TSC2: variants seen among roughly 807,000 people sequenced by gnomAD.
The protein encoded by TSC2 is tuberin.
Under a neutral mutation model 202.2 loss-of-function variants are expected in TSC2, and 29 were observed. That is an observed-to-expected ratio of 0.14 (90% CI 0.11 to 0.20). The LOEUF is 0.20. TSC2 is among the 10% of genes least tolerant of loss of function. The pLI is 1.00. For synonymous variants in TSC2, 1,349 were observed against 1,044.0 expected (o/e 1.29, Z -5.63); for missense variants, 2,429 against 2,420.0 (o/e 1.00, Z -0.08).
intron 18 of TSC2, 49 bp downstream of exon 18, chr16:2,071,665 G>C (rs765248569): frequency 6.2e-7 from 1 of 1,609,482 alleles, no homozygotes; most frequent in African/African-American, 1.3e-5. Context: ...CGTCAGAGGC[G>C]CTGGGGCTGT....
intron 30 of TSC2, chr16:2,081,144 C>T: frequency 7.2e-6 from 2 of 279,566 alleles, no homozygotes; most frequent in South Asian, 3.8e-5. Context: ...TTCTGAGTTC[C>T]TGGGGTTGGG....
rs200532154 is a variant in TSC2, at chr16:2,064,286, C to A, written c.1458C>A (p.Asn486Lys). The A allele has an allele frequency of 6.2e-7, 1 of 1,613,960 alleles. No individual in the cohort carries two copies. The highest frequency in any genetic ancestry group is 2.2e-5 in the East Asian group (1 of 44,872). ...NRQFYEEELI[N>K]SVVISQLSHI... ...TGCCTGTGCAGGAGGAGCTGATTAA[C>A]TCAGTGGTCATCTCGCAGCTCTCCC... Residue 486 changes from asparagine to lysine, a missense_variant, in exon 15 of 42, where the codon AAC becomes AAA. By Grantham distance (94) the Asn-to-Lys change is moderately conservative. Transcript: ENST00000219476.
chr16:2,087,187 G>C (rs1372382585), intron 38 of TSC2: 1 of 447,996 alleles, frequency 2.2e-6, no homozygotes. Context: ...CATCTCCCCA[G>C]TGGCAGCTGT....
intron 1 of TSC2, 199 bp from the exon 2 acceptor site, chr16:2,048,388 C>G: frequency 1.2e-6 from 1 of 849,770 alleles, no homozygotes; most frequent in Non-Finnish European, 2.0e-6. Context: ...CTCTCTAGAC[C>G]AGGCCTGGTG....
chr16:2,067,265 C>T (rs868244448), intron 16 of TSC2, among the ~76,000 whole-genome samples: 4 of 152,022 alleles, frequency 2.6e-5, no homozygotes, highest in Admixed American at 6.5e-5. Flanking sequence ...ACCAAGTGAT[C>T]GTCCTGCCTC....
At chr16:2,053,826 G>A (rs1290310103) in intron 4 of TSC2, 1 of 507,258 alleles carries the variant, frequency 2.0e-6, no homozygotes, top group Non-Finnish European at 3.8e-6. Flanking sequence ...ATCTGTGCTG[G>A]TCTTGGCTGA....
chr16:2,074,337 G>A lies in TSC2; in HGVS notation c.2493G>A (p.Thr831=), dbSNP rs773645613. 6.2e-7 allele frequency: 1 copy of A among 1,612,682 alleles called. No individual in the cohort carries two copies. Among genetic ancestry groups the A allele is most frequent in the Non-Finnish European group, 8.5e-7 (1 of 1,180,034 alleles). ...TGCCTGTTCTGGTGGTGAAGCTCACGCACATCTCAGCCACAGCCAGCATGG... is the reference window on the plus strand; with the variant it reads ...TGCCTGTTCTGGTGGTGAAGCTCACACACATCTCAGCCACAGCCAGCATGG... ...KALPVLVVKL[T]HISATASMAV... is the part of the protein sequence containing the mutation. Residue 831 remains threonine (T), a synonymous_variant, in exon 22 of 42, where the codon ACG becomes ACA. Coordinates refer to ENST00000219476, the MANE Select transcript of TSC2 (RefSeq NM_000548.5).
At chr16:2,072,623 TC>T (rs2088638368) in intron 20 of TSC2, 1 of 817,106 alleles carries the variant, frequency 1.2e-6, no homozygotes, top group Admixed American at 2.7e-5. Context: ...TCTGTGCTTT[TC>T]CTAAGTGGGG....
chr16:2,079,219 G>A lies in TSC2; in HGVS notation c.3131+23G>A, dbSNP rs1412357507. The A allele has an allele frequency of 2.5e-5, 41 of 1,612,788 alleles. No individual in the cohort carries two copies. The highest frequency in any genetic ancestry group is 3.1e-5 in the Non-Finnish European group (37 of 1,180,038). ...GAGGTCCAGGCGGCACTACAGGGCT[G>A]GGCGGGCCTGCGGGAGCTCCACGGG... is the stretch of plus-strand genomic sequence containing the variant. On this transcript the variant is annotated intron_variant, in intron 27 of 41. Transcript: ENST00000219476. The surrounding 1 kb of genome is among the most constrained non-coding windows in gnomAD (Gnocchi z 4.6).
Position 2,062,580 on chromosome 16 carries a change from G to A in TSC2, c.1341G>A (p.Ala447=), listed in dbSNP as rs141609319. The A allele has an allele frequency of 5.6e-6, 9 of 1,609,984 alleles. No homozygotes were observed. Among genetic ancestry groups the A allele is most frequent in the African/African-American group, 2.7e-5 (2 of 74,884 alleles). ...AKDGWIQNLQ[A]LMERFFRSES... ...ACGGCTGGATTCAGAACCTGCAGGCGCTGATGGAGAGATTCTTCAGGTAGG... is the reference window on the plus strand; with the variant it reads ...ACGGCTGGATTCAGAACCTGCAGGCACTGATGGAGAGATTCTTCAGGTAGG... The change falls in exon 13 of 42, where the codon GCG becomes GCA. Residue 447 remains alanine, a synonymous_variant. Coordinates refer to ENST00000219476, the MANE Select transcript of TSC2 (RefSeq NM_000548.5).
At chr16:2,086,405 T>C (rs1465815418) in intron 37 of TSC2, 26 bp downstream of exon 37, 2 of 1,607,794 alleles carry the variant, frequency 1.2e-6, no homozygotes, top group Non-Finnish European at 1.7e-6. Flanking sequence ...TACCCGCTCC[T>C]GCTGCCCCAG....
intron 30 of TSC2, chr16:2,080,613 A>C: frequency 1.8e-6 from 1 of 551,736 alleles, no homozygotes; most frequent in South Asian, 2.1e-5. Flanking sequence ...CCTCCCGAGT[A>C]GCTGGGACCA....
Position 2,074,277 on chromosome 16 carries a change from C to T in TSC2, c.2433C>T (p.Cys811=), listed in dbSNP as rs1596356520. ...ASQCVVALSI[C]SVEMPDIIIK... Reference sequence around the variant, plus strand: ...AGTGCGTCGTGGCCTTGTCCATCTGCAGCGTGGAGATGCCTGACATCATCA... The same window carrying T: ...AGTGCGTCGTGGCCTTGTCCATCTGTAGCGTGGAGATGCCTGACATCATCA... Residue 811 remains cysteine, a synonymous_variant, in exon 22 of 42, where the codon TGC becomes TGT. Coordinates refer to ENST00000219476, the MANE Select transcript of TSC2 (RefSeq NM_000548.5). The T allele has an allele frequency of 8.7e-6, 14 of 1,613,174 alleles. No individual in the cohort carries two copies. Among genetic ancestry groups the T allele is most frequent in the Non-Finnish European group, 1.2e-5 (14 of 1,180,044 alleles).
At chr16:2,077,549 C>T in intron 25 of TSC2, 49 bp from the exon 26 acceptor site, 2 of 1,611,132 alleles carry the variant, frequency 1.2e-6, no homozygotes, top group Non-Finnish European at 1.7e-6. Flanking sequence ...TCTCCCCTTC[C>T]CGGGAGCTGG....
chr16:2,089,453 G>C lies in TSC2; in HGVS notation c.*843G>C. The C allele has an allele frequency of 1.9e-6, 1 of 533,688 alleles. No individual in the cohort carries two copies. The highest frequency in any genetic ancestry group is 3.4e-6 in the Non-Finnish European group (1 of 296,792). The allele number at this position is 533,688 out of a possible 1,614,324, so 33.1% of individuals were successfully genotyped here. ...GCCGGGCACAGCCCGCTGTACCTGAGGACTCGGGGAAATAAATTAGCATCT... is the reference window on the plus strand; with the variant it reads ...GCCGGGCACAGCCCGCTGTACCTGACGACTCGGGGAAATAAATTAGCATCT... On this transcript the variant is annotated 3_prime_UTR_variant, in exon 42 of 42. Transcript: ENST00000219476.
rs768707639 is a variant in TSC2, at chr16:2,064,338, G to T, written c.1510G>T (p.Val504Phe). Residue 504 changes from valine (V) to phenylalanine (F), a missense_variant, in exon 15 of 42, where the codon GTC becomes TTC. By Grantham distance (50) the Val-to-Phe change is conservative. Coordinates refer to ENST00000219476, the MANE Select transcript of TSC2 (RefSeq NM_000548.5). Reference sequence around the variant, plus strand: ...CATCCCCGAGGATAAAGACCACCAGGTCCGAAAGCTGGCCACCCAGTTGCT... The same window carrying T: ...CATCCCCGAGGATAAAGACCACCAGTTCCGAAAGCTGGCCACCCAGTTGCT... ...SHIPEDKDHQ[V>F]RKLATQLLVD... 2 of 1,613,852 alleles carry T rather than the reference G, an allele frequency of 1.2e-6. No individual in the cohort carries two copies. The highest frequency in any genetic ancestry group is 1.1e-5 in the South Asian group (1 of 91,080).
chr16:2,070,348 C>T, intron 16 of TSC2, 108 bp from the exon 17 acceptor site: 3 of 1,586,980 alleles, frequency 1.9e-6, no homozygotes, highest in Admixed American at 1.7e-5. Flanking sequence ...TGTTTTGAAG[C>T]ACGCACTCTA....
chr16:2,078,754 GC>G, intron 26 of TSC2: 1 of 517,350 alleles, frequency 1.9e-6, no homozygotes, highest in Non-Finnish European at 3.5e-6. Context: ...GTAACCTAGT[GC>G]TCCCGTGGGC....
rs886831493 is a variant in TSC2, at chr16:2,057,037, A to G, written c.775-68A>G. The stretch of plus-strand genomic sequence containing the variant: ...TATAGGGCAGCAGCCAGGCGGGGCC[A>G]GCAGCGGGACTGGGGCTGGGGGCAG... On this transcript the variant is annotated intron_variant, in intron 8 of 41. Coordinates refer to ENST00000219476, the MANE Select transcript of TSC2 (RefSeq NM_000548.5). 1.3e-5 allele frequency: 20 copies of G among 1,540,452 alleles called. No homozygotes were observed. In the African/African-American group the frequency reaches 2.6e-4, roughly 20 times the overall value.
Sources: allele counts gnomAD v4.1 joint callset (sites outside exome capture counted in the v4.1 genomes callset), GRCh38; gene constraint gnomAD v4.1.1; non-coding constraint Gnocchi (gnomAD v3.1); transcripts MANE v1.5; gene names NCBI Gene and HGNC (gene_info 2026-07-23, HGNC 2026-07-21).